The following ENTREP2 variants were observed in gnomAD, a reference collection of about 807,000 sequenced individuals.
The protein encoded by ENTREP2 is protein ENTREP2.
At chr15:29,314,809 T>A in the ENTREP2 span, among the ~76,000 whole-genome samples, 1 of 152,170 alleles carries the variant, frequency 6.6e-6, no homozygotes, top group Admixed American at 6.5e-5. Flanking sequence ...CCCAGCACTT[T>A]GGGAGGCCGA....
chr15:29,396,844 T>C, the ENTREP2 span, among the ~76,000 whole-genome samples: 18 of 152,330 alleles, frequency 1.2e-4, no homozygotes, highest in South Asian at 3.7e-3. Context: ...ATTAAATTAG[T>C]TTTTACAATT....
the ENTREP2 span, among the ~76,000 whole-genome samples, chr15:29,418,606 G>A: frequency 6.6e-6 from 1 of 152,162 alleles, no homozygotes; most frequent in African/African-American, 2.4e-5. Context: ...CTTCCAGGTC[G>A]GATGGAGTAG....
the ENTREP2 span, among the ~76,000 whole-genome samples, chr15:29,248,096 T>C: frequency 6.6e-6 from 1 of 152,254 alleles, no homozygotes; most frequent in Non-Finnish European, 1.5e-5. Context: ...CTGCAAATGA[T>C]TTTTAATGAT....
At chr15:29,350,092 T>C in the ENTREP2 span, among the ~76,000 whole-genome samples, 1 of 152,186 alleles carries the variant, frequency 6.6e-6, no homozygotes, top group Non-Finnish European at 1.5e-5. Flanking sequence ...CTCCTGTTTC[T>C]ACTAGCTATT....
chr15:29,499,517 G>GACTACAGGTT, the ENTREP2 span, among the ~76,000 whole-genome samples: 2 of 151,702 alleles, frequency 1.3e-5, no homozygotes, highest in Non-Finnish European at 2.9e-5. Flanking sequence ...GGGTACCTAG[G>GACTACAGGTT]ACTACAGGTG....
At chr15:29,188,777 G>A in the ENTREP2 span, among the ~76,000 whole-genome samples, 1 of 152,266 alleles carries the variant, frequency 6.6e-6, no homozygotes, top group South Asian at 2.1e-4. Flanking sequence ...GACGAGCTTG[G>A]GGCTTTCAGC....
chr15:29,415,226 G>A, the ENTREP2 span, among the ~76,000 whole-genome samples: 2 of 152,130 alleles, frequency 1.3e-5, no homozygotes, highest in East Asian at 3.8e-4. Flanking sequence ...CAATATCCCT[G>A]ATGAACATTG....
At chr15:29,517,709 G>C in the ENTREP2 span, among the ~76,000 whole-genome samples, 1,781 of 152,062 alleles carry the variant, frequency 0.012, 31 homozygotes, top group African/African-American at 0.041. Context: ...GCGTGATGTC[G>C]AAGTCCCGCT....
chr15:29,182,265 C>G, the ENTREP2 span, among the ~76,000 whole-genome samples: 3 of 151,818 alleles, frequency 2.0e-5, no homozygotes, highest in African/African-American at 7.3e-5. Flanking sequence ...TCTGGGACTA[C>G]AGGCGCCCGC....
At chr15:29,467,723 G>A in the ENTREP2 span, among the ~76,000 whole-genome samples, 1 of 152,170 alleles carries the variant, frequency 6.6e-6, no homozygotes. Flanking sequence ...AACATCCGTA[G>A]CCCAATTAAG....
chr15:29,142,593 C>A, the ENTREP2 span, among the ~76,000 whole-genome samples: 3 of 152,308 alleles, frequency 2.0e-5, no homozygotes, highest in African/African-American at 7.2e-5. Context: ...TGTCCCTGAC[C>A]AGCCAGCACC....
At chr15:29,171,617 T>C in the ENTREP2 span, among the ~76,000 whole-genome samples, 2 of 152,270 alleles carry the variant, frequency 1.3e-5, no homozygotes, top group Admixed American at 6.5e-5. Context: ...AAATATTGTA[T>C]TTATATTAGC....
the ENTREP2 span, among the ~76,000 whole-genome samples, chr15:29,444,210 G>GAAAGAAAGAAAGAAAGA: frequency 4.6e-4 from 67 of 146,022 alleles, 1 homozygote; most frequent in African/African-American, 1.7e-3. Context: ...AAGAAAGAAA[G>GAAAGAAAGAAAGAAAGA]AAAGAAAGAA....
chr15:29,366,673 C>T, the ENTREP2 span, among the ~76,000 whole-genome samples: 3 of 152,208 alleles, frequency 2.0e-5, no homozygotes, highest in Admixed American at 2.0e-4. Context: ...AGTATGCAGT[C>T]TTTTGTGTCT....
the ENTREP2 span, among the ~76,000 whole-genome samples, chr15:29,244,040 C>G: frequency 2.0e-5 from 3 of 152,196 alleles, no homozygotes; most frequent in African/African-American, 7.2e-5. Flanking sequence ...ATGCAAAACT[C>G]TTAAATAATA....
At chr15:29,131,649 C>T in the ENTREP2 span, among the ~76,000 whole-genome samples, 1 of 105,352 alleles carries the variant, frequency 9.5e-6, no homozygotes, top group African/African-American at 3.7e-5. Flanking sequence ...CCCCTCTACA[C>T]GCACCCCAGC....
the ENTREP2 span, among the ~76,000 whole-genome samples, chr15:29,216,118 A>G: frequency 9.9e-5 from 15 of 152,128 alleles, no homozygotes; most frequent in Non-Finnish European, 1.5e-4. Context: ...GATTTGTTTC[A>G]AGATTTAGAG....
chr15:29,547,391 A>G, the ENTREP2 span, among the ~76,000 whole-genome samples: 1 of 152,036 alleles, frequency 6.6e-6, no homozygotes. Context: ...CCTGGCCCAC[A>G]TTGATTCTAT....
chr15:29,448,749 G>T, the ENTREP2 span, among the ~76,000 whole-genome samples: 1 of 152,336 alleles, frequency 6.6e-6, no homozygotes, highest in Non-Finnish European at 1.5e-5. Context: ...CATCGGTAGA[G>T]ATGGAAATTA....
Sources: allele counts gnomAD v4.1 joint callset (sites outside exome capture counted in the v4.1 genomes callset), GRCh38; gene constraint gnomAD v4.1.1; transcripts MANE v1.5; gene names NCBI Gene and HGNC (gene_info 2026-07-23, HGNC 2026-07-21).